The following CACNA1C variants were observed in gnomAD, a reference collection of about 807,000 sequenced individuals.
The protein encoded by CACNA1C is voltage-dependent L-type calcium channel subunit alpha-1C.
Under a neutral mutation model 229.0 loss-of-function variants are expected in CACNA1C, and 30 were observed. The ratio of observed to expected loss-of-function variants is 0.13; its 90% CI spans 0.10 to 0.18. CACNA1C has a LOEUF of 0.18. Ranked by LOEUF, CACNA1C falls within the 10% of genes least tolerant of loss-of-function variation. The probability of loss-of-function intolerance (pLI) is 1.00; values close to 1 mark genes in which losing one functional copy is unlikely to be tolerated. For synonymous variants in CACNA1C, 1,114 were observed against 1,132.5 expected (o/e 0.98, Z 0.33); for missense variants, 1,658 against 2,845.0 (o/e 0.58, Z 9.49).
intron 3 of CACNA1C, among the ~76,000 whole-genome samples, chr12:2,315,469 T>C (rs903376140): frequency 6.6e-6 from 1 of 152,202 alleles, no homozygotes; most frequent in Non-Finnish European, 1.5e-5. Context: ...GCCACCTTTC[T>C]TGATTAGGAA....
rs1382153202 is a variant in CACNA1C at position 2,493,843 on chromosome 12, C to A, written c.1113+457C>A. ...CTAAAAAGAAGTTATATAAAGAAAC[C>A]ATTTTTATTGAATTGTGTAGCATTG... On this transcript the variant is annotated intron_variant, in intron 7 of 46. Transcript: ENST00000399655. The surrounding 1 kb of genome is among the most constrained non-coding windows in gnomAD (Gnocchi z 4.6). 1.3e-5 allele frequency among the ~76,000 whole-genome samples: 2 copies of A among 152,110 alleles called. No individual in the cohort carries two copies. Among genetic ancestry groups the A allele is most frequent in the Non-Finnish European group, 2.9e-5 (2 of 68,016 alleles).
rs940766195 is a variant in CACNA1C at position 2,639,962 on chromosome 12, C to A, written c.3912+5582C>A. Among the ~76,000 whole-genome samples, 1 of 152,080 alleles carries A rather than the reference C, an allele frequency of 6.6e-6. No homozygotes were observed. The highest frequency in any genetic ancestry group is 2.4e-5 in the African/African-American group (1 of 41,404). On this transcript the variant is annotated intron_variant, in intron 30 of 46. Coordinates refer to ENST00000399655, the MANE Select transcript of CACNA1C (RefSeq NM_000719.7). This position sits in a 1 kb window ranked among gnomAD's most constrained non-coding sequence, Gnocchi z 4.2. ...CCCTGGAGCTTCTGGGCACAGCTCT[C>A]AGGAGGAATTGCTGGAGGCTTTGCA... is the stretch of plus-strand genomic sequence containing the variant.
chr12:2,432,036 A>T (rs1211525430), intron 3 of CACNA1C, among the ~76,000 whole-genome samples: 3 of 152,188 alleles, frequency 2.0e-5, no homozygotes, highest in African/African-American at 7.2e-5. Flanking sequence ...CCCAGCTTTT[A>T]TTGTACTCTG....
At chr12:2,398,215 C>A (rs2098620273) in intron 3 of CACNA1C, among the ~76,000 whole-genome samples, 1 of 152,216 alleles carries the variant, frequency 6.6e-6, no homozygotes, top group African/African-American at 2.4e-5. Flanking sequence ...AATCCAATAG[C>A]CCAGCTCTGA....
intron 1 of CACNA1C, among the ~76,000 whole-genome samples, chr12:2,056,828 A>C (rs2055141185): frequency 6.6e-6 from 1 of 152,222 alleles, no homozygotes; most frequent in Non-Finnish European, 1.5e-5. Context: ...ATATATTAAA[A>C]AGAGTCAATT....
chr12:2,341,523 G>T (rs1436485529), intron 3 of CACNA1C, among the ~76,000 whole-genome samples: 1 of 152,196 alleles, frequency 6.6e-6, no homozygotes, highest in Admixed American at 6.5e-5. Context: ...TTTCACACAG[G>T]TAGCCACAGG....
intron 3 of CACNA1C, among the ~76,000 whole-genome samples, chr12:2,161,505 A>G (rs2095853311): frequency 6.6e-6 from 1 of 152,218 alleles, no homozygotes; most frequent in Non-Finnish European, 1.5e-5. Context: ...CTCTCCCTGC[A>G]ATCCAGACCC....
chr12:2,074,537 C>G (rs1341300345), intron 1 of CACNA1C, among the ~76,000 whole-genome samples: 3 of 151,950 alleles, frequency 2.0e-5, no homozygotes, highest in South Asian at 4.1e-4. Context: ...GAACTTGTTG[C>G]GACTCCTCTG....
chr12:2,593,232 G>A lies in CACNA1C; in HGVS notation c.2550G>A (p.Glu850=). 6.2e-7 allele frequency: 1 copy of A among 1,613,722 alleles called. No individual in the cohort carries two copies. ...PETTGEEDEE[E]PEMPVGPRPR... ...TTACAGGAGAAGAGGATGAGGAGGA[G>A]CCAGAGATGCCTGTCGGCCCTCGCC... is the stretch of plus-strand genomic sequence containing the variant. Residue 850 remains glutamate, a synonymous_variant, in exon 19 of 47, where the codon GAG becomes GAA. Transcript: ENST00000399655.
intron 18 of CACNA1C, among the ~76,000 whole-genome samples, chr12:2,590,492 T>A (rs2064760876): frequency 6.6e-6 from 1 of 152,214 alleles, no homozygotes; most frequent in South Asian, 2.1e-4. Flanking sequence ...TCTGTCAGCA[T>A]CCCTCCTCAT....
At chr12:2,381,601 C>A (rs2098249675) in intron 3 of CACNA1C, among the ~76,000 whole-genome samples, 2 of 152,168 alleles carry the variant, frequency 1.3e-5, no homozygotes, top group South Asian at 4.1e-4. Context: ...CGATGTAAGG[C>A]CCTCCACCCC....
intron 3 of CACNA1C, among the ~76,000 whole-genome samples, chr12:2,250,352 G>A (rs775797387): frequency 5.3e-5 from 8 of 152,186 alleles, no homozygotes; most frequent in Non-Finnish European, 1.0e-4. Context: ...AAACTCCCAG[G>A]TTGCACGCAC....
intron 1 of CACNA1C, among the ~76,000 whole-genome samples, chr12:2,032,803 G>A (rs1321533511): frequency 6.6e-6 from 1 of 152,176 alleles, no homozygotes; most frequent in Non-Finnish European, 1.5e-5. Flanking sequence ...CTTAGATTTT[G>A]CAGTAGAGAA....
intron 3 of CACNA1C, among the ~76,000 whole-genome samples, chr12:2,419,612 C>T (rs934553794): frequency 1.1e-4 from 17 of 152,226 alleles, no homozygotes; most frequent in African/African-American, 3.9e-4. Flanking sequence ...AGGGGCCCCG[C>T]AGTCCAGAAT....
chr12:1,984,289 C>T (rs868078226), intron 1 of CACNA1C, among the ~76,000 whole-genome samples: 9 of 151,942 alleles, frequency 5.9e-5, no homozygotes, highest in African/African-American at 2.2e-4. Flanking sequence ...TAATGTTTGT[C>T]ATGTTTTTTG....
chr12:2,565,223 C>CT (rs1197081162), intron 11 of CACNA1C, among the ~76,000 whole-genome samples: 2 of 151,596 alleles, frequency 1.3e-5, no homozygotes, highest in Non-Finnish European at 2.9e-5. Context: ...AATCCCAGCA[C>CT]TTTGGGAGGC....
At chr12:2,617,210 G>A (rs181383330) in intron 29 of CACNA1C, among the ~76,000 whole-genome samples, 222 of 152,286 alleles carry the variant, frequency 1.5e-3, no homozygotes, top group African/African-American at 5.2e-3. Flanking sequence ...GAGAGTGAGG[G>A]ATGAGTCAGG....
rs193149998 is a variant in CACNA1C at position 2,459,412 on chromosome 12, C to T, written c.757+1706C>T. 1.8e-3 allele frequency among the ~76,000 whole-genome samples: 270 copies of T among 152,234 alleles called. 2 individuals carry two copies. The highest frequency in any genetic ancestry group is 6.2e-3 in the African/African-American group (258 of 41,546). ...TGCCTTCTATTGCCTCTGATTCCCACACAACATAAGCAAAGGGAACTTACT... is the reference window on the plus strand; with the variant it reads ...TGCCTTCTATTGCCTCTGATTCCCATACAACATAAGCAAAGGGAACTTACT... On this transcript the variant is annotated intron_variant, in intron 5 of 46. Coordinates refer to ENST00000399655, the MANE Select transcript of CACNA1C (RefSeq NM_000719.7).
At chr12:2,005,574 TATCTACTGCCATG>T (rs2043251391) in intron 1 of CACNA1C, among the ~76,000 whole-genome samples, 2 of 152,072 alleles carry the variant, frequency 1.3e-5, no homozygotes, top group Admixed American at 6.6e-5. Flanking sequence ...AGAAAATGTG[TATCTACTGCCATG>T]AGCTTGACAT....
Sources: allele counts gnomAD v4.1 joint callset (sites outside exome capture counted in the v4.1 genomes callset), GRCh38; gene constraint gnomAD v4.1.1; non-coding constraint Gnocchi (gnomAD v3.1); transcripts MANE v1.5; gene names NCBI Gene and HGNC (gene_info 2026-07-23, HGNC 2026-07-21).